GALNT9: variants seen among roughly 807,000 people sequenced by gnomAD.
The protein encoded by GALNT9 is polypeptide N-acetylgalactosaminyltransferase 9.
Under a neutral mutation model 63.1 loss-of-function variants are expected in GALNT9, and 47 were observed. The ratio of observed to expected loss-of-function variants is 0.75; its 90% CI spans 0.59 to 0.95. The LOEUF (loss-of-function observed/expected upper bound fraction) is 0.95, where lower values mean the gene tolerates loss of function less well. Ranked by LOEUF, GALNT9 falls within the 40% of genes least tolerant of loss-of-function variation. The pLI is 0.00. For synonymous variants in GALNT9, 396 were observed against 365.7 expected, an observed-to-expected ratio of 1.08 and a Z score of -0.94; for missense variants, 829 against 874.8, an observed-to-expected ratio of 0.95 and a Z score of 0.66.
intron 1 of GALNT9, among the ~76,000 whole-genome samples, chr12:132,287,719 A>G (rs61215865): frequency 0.038 from 5,841 of 152,234 alleles, 368 homozygotes; most frequent in African/African-American, 0.13. Context: ...GAGGCTCCGC[A>G]GCTTGGTCAG....
intron 6 of GALNT9, chr12:132,240,486 C>T (rs2136898329): frequency 9.3e-5 from 37 of 396,390 alleles, no homozygotes; most frequent in African/African-American, 3.4e-4. Flanking sequence ...GTGCCCAGCT[C>T]GGACCCCGGG....
chr12:132,227,893 C>T (rs1315165237), intron 6 of GALNT9, among the ~76,000 whole-genome samples: 8 of 152,112 alleles, frequency 5.3e-5, no homozygotes, highest in Non-Finnish European at 5.9e-5. Flanking sequence ...GAGACCTCCC[C>T]GTCCCCACAC....
Position 132,252,457 on chromosome 12 carries a change from GTCCAGCCCTACAGGGCTTAGCGGGTGT to G in GALNT9, c.960-4457_960-4431del, listed in dbSNP as rs1555238670. On this transcript the variant is annotated intron_variant, in intron 5 of 10. Coordinates refer to ENST00000328957, the MANE Select transcript of GALNT9 (RefSeq NM_001122636.2). The surrounding 1 kb of genome is among the most constrained non-coding windows in gnomAD (Gnocchi z 5.2). ...CACAATGGAAAGAGTGAAATGTAGG[GTCCAGCCCTACAGGGCTTAGCGGGTGT>G]TCTCCCCGTGTGCAGAGACAAGAGA... 6.6e-6 allele frequency among the ~76,000 whole-genome samples: 1 copy of G among 152,270 alleles called. No individual in the cohort carries two copies. Among genetic ancestry groups the G allele is most frequent in the African/African-American group, 2.4e-5 (1 of 41,466 alleles).
Position 132,245,378 on chromosome 12 carries a change from G to A in GALNT9, c.1077+2532C>T, listed in dbSNP as rs1053771388. Reference sequence around the variant, plus strand: ...AATCAGTTGAACCCGGGAGGTGGAGGTTGCAGTGAGCAGAGATCGTGCCAC... The same window carrying A: ...AATCAGTTGAACCCGGGAGGTGGAGATTGCAGTGAGCAGAGATCGTGCCAC... On this transcript the variant is annotated intron_variant, in intron 6 of 10. Transcript: ENST00000328957. The surrounding 1 kb of genome is among the most constrained non-coding windows in gnomAD (Gnocchi z 6.3). 6.6e-6 allele frequency among the ~76,000 whole-genome samples: 1 copy of A among 152,108 alleles called. No homozygotes were observed. The highest frequency in any genetic ancestry group is 6.5e-5 in the Admixed American group (1 of 15,280).
chr12:132,261,259 A>G lies in GALNT9; in HGVS notation c.587-137T>C, dbSNP rs80323187. 4.6e-3 allele frequency: 6,225 copies of G among 1,361,528 alleles called. 218 individuals carry two copies. In the African/African-American group the frequency reaches 0.079, roughly 17 times the overall value. The allele number at this position is 1,361,528 out of a possible 1,614,324, so 84.3% of individuals were successfully genotyped here. A position where few individuals can be genotyped will look rare whatever the true frequency, so the allele number is the denominator to read the frequency against. On this transcript the variant is annotated intron_variant, in intron 3 of 10. Coordinates refer to ENST00000328957, the MANE Select transcript of GALNT9 (RefSeq NM_001122636.2). Reference sequence around the variant, plus strand: ...ATTCTCTTAGGACCCACTGAACCACATGTGGTTCAGCGTGGAGGTCACAGA... The same window carrying G: ...ATTCTCTTAGGACCCACTGAACCACGTGTGGTTCAGCGTGGAGGTCACAGA...
At chr12:132,283,533 C>T (rs1266001981) in intron 2 of GALNT9, 1 of 152,424 alleles carries the variant, frequency 6.6e-6, no homozygotes, top group Non-Finnish European at 1.5e-5. Flanking sequence ...GCTCACCTGG[C>T]CTTGGCAGCC....
intron 1 of GALNT9, among the ~76,000 whole-genome samples, chr12:132,311,406 G>A (rs140985539): frequency 6.6e-6 from 1 of 152,322 alleles, no homozygotes; most frequent in East Asian, 1.9e-4. Flanking sequence ...GCACGGGCAG[G>A]GGCAGCAGGG....
At chr12:132,293,752 C>T (rs1555242986) in intron 1 of GALNT9, among the ~76,000 whole-genome samples, 1 of 152,024 alleles carries the variant, frequency 6.6e-6, no homozygotes, top group South Asian at 2.1e-4. Context: ...GAACGAGAAG[C>T]CAGGTGAGCC....
chr12:132,276,955 T>C (rs1224275894), intron 2 of GALNT9, among the ~76,000 whole-genome samples: 3 of 151,750 alleles, frequency 2.0e-5, no homozygotes, highest in Non-Finnish European at 4.4e-5. Flanking sequence ...CACACACACA[T>C]GTACATACAT....
In GALNT9 at chr12:132,199,248, C is replaced by A; in HGVS notation, c.1423G>T (p.Ala475Ser). The A allele has an allele frequency of 1.2e-6, 2 of 1,604,870 alleles. No homozygotes were observed. Among genetic ancestry groups the A allele is most frequent in the Middle Eastern group, 1.7e-4 (1 of 6,052 alleles). ...TCCGCTCCCTGGTCCAGACAGTAGG[C>A]ACTGGCTTTGCTGTTTCTCACCTGC... ...YGEVRNSKAS[A>S]YCLDQGAEDG... Residue 475 changes from alanine to serine, a missense_variant, in exon 9 of 11, where the codon GCC becomes TCC. By Grantham distance (99) the Ala-to-Ser change is moderately conservative. Coordinates refer to ENST00000328957, the MANE Select transcript of GALNT9 (RefSeq NM_001122636.2).
intron 2 of GALNT9, among the ~76,000 whole-genome samples, chr12:132,284,977 C>T (rs1397485388): frequency 4.6e-5 from 7 of 152,358 alleles, no homozygotes; most frequent in African/African-American, 1.4e-4. Flanking sequence ...GGAACCACTG[C>T]CTGAGTCACA....
rs2136894927 is a variant in GALNT9, at chr12:132,236,691, G to A, written c.1077+11219C>T. ...CCCGAAGATCGCCCAGCCTCGCAAG[G>A]TGTAAGGTTTCGGGGCATCAAGCCT... On this transcript the variant is annotated intron_variant, in intron 6 of 10. Coordinates refer to ENST00000328957, the MANE Select transcript of GALNT9 (RefSeq NM_001122636.2). This position sits in a 1 kb window ranked among gnomAD's most constrained non-coding sequence, Gnocchi z 5.6. Among the ~76,000 whole-genome samples, 1 of 152,302 alleles carries A rather than the reference G, an allele frequency of 6.6e-6. No homozygotes were observed. Among genetic ancestry groups the A allele is most frequent in the Admixed American group, 6.5e-5 (1 of 15,304 alleles).
intron 1 of GALNT9, among the ~76,000 whole-genome samples, chr12:132,301,991 C>A (rs1555243873): frequency 2.0e-5 from 3 of 152,120 alleles, no homozygotes; most frequent in African/African-American, 7.2e-5. Flanking sequence ...CCTGACAACC[C>A]CGAGGGGCTC....
At chr12:132,317,633 TTG>T (rs1555245820) in intron 1 of GALNT9, among the ~76,000 whole-genome samples, 1 of 152,246 alleles carries the variant, frequency 6.6e-6, no homozygotes, top group Non-Finnish European at 1.5e-5. Flanking sequence ...TGTTGAGATT[TTG>T]TGTTTTTAAA....
intron 6 of GALNT9, among the ~76,000 whole-genome samples, chr12:132,226,844 T>G (rs1877712709): frequency 7.6e-6 from 1 of 132,060 alleles, no homozygotes; most frequent in East Asian, 2.4e-4. Context: ...ACACACCATA[T>G]ACACACCCCA....
At position 132,236,236 on chromosome 12, in the gene GALNT9, A is replaced by C. The variant is rs1272206512; in HGVS notation, c.1077+11674T>G. Among the ~76,000 whole-genome samples, 1 of 151,648 alleles carries C rather than the reference A, an allele frequency of 6.6e-6. No individual in the cohort carries two copies. Among genetic ancestry groups the C allele is most frequent in the Admixed American group, 6.6e-5 (1 of 15,248 alleles). ...CCCCCAGGCATCGATCTCGTGAATA[A>C]ATCAGCAATGACAGCCCCGACAGGC... On this transcript the variant is annotated intron_variant, in intron 6 of 10. Coordinates refer to ENST00000328957, the MANE Select transcript of GALNT9 (RefSeq NM_001122636.2). The surrounding 1 kb of genome is among the most constrained non-coding windows in gnomAD (Gnocchi z 5.6).
intron 1 of GALNT9, among the ~76,000 whole-genome samples, chr12:132,288,293 A>C (rs1158512743): frequency 6.6e-6 from 1 of 152,250 alleles, no homozygotes; most frequent in Non-Finnish European, 1.5e-5. Context: ...GGAATATTCC[A>C]TTTTAAATGA....
intron 2 of GALNT9, among the ~76,000 whole-genome samples, chr12:132,269,250 C>T (rs1191691964): frequency 6.6e-6 from 1 of 151,900 alleles, no homozygotes. Context: ...AGATGCTGGC[C>T]GAGAATTTGC....
intron 1 of GALNT9, among the ~76,000 whole-genome samples, chr12:132,328,314 G>GC (rs542106662): frequency 1.3e-3 from 193 of 152,152 alleles, no homozygotes; most frequent in African/African-American, 4.2e-3. Context: ...CACAACTTGG[G>GC]CCCCCCTGGG....
Sources: gnomAD v4.1 joint callset for allele counts (sites outside exome capture counted in the v4.1 genomes callset) on GRCh38, gnomAD v4.1.1 for gene constraint, Gnocchi (gnomAD v3.1) non-coding constraint, MANE v1.5 for transcripts, NCBI Gene and HGNC (gene_info 2026-07-23, HGNC 2026-07-21) for gene names.